Variants in FLACC1 observed in about 807,000 individuals in gnomAD.
The protein encoded by FLACC1 is flagellum associated containing coiled-coil domains 1, also known as flagellum-associated coiled-coil domain-containing protein 1.
FLACC1 carries 66 observed loss-of-function variants against 62.8 expected under a neutral mutation model. The observed-to-expected ratio is 1.05, with a 90% confidence interval of 0.86 to 1.29. FLACC1 has a LOEUF of 1.29. Among genes scored for constraint, FLACC1 ranks in the 50% most tolerant of loss-of-function variants. The pLI, the probability that FLACC1 is intolerant of heterozygous loss-of-function variation, is 0.00. For synonymous variants in FLACC1, 156 were observed against 161.0 expected (o/e 0.97, Z 0.24); for missense variants, 452 against 489.1 (o/e 0.92, Z 0.71).
intron 7 of FLACC1, among the ~76,000 whole-genome samples, chr2:201,331,710 T>C (rs1950596720): frequency 6.6e-6 from 1 of 151,860 alleles, no homozygotes; most frequent in Admixed American, 6.6e-5. Flanking sequence ...GGATGGGAGG[T>C]AGGATGAATA....
chr2:201,362,019 T>C (rs778673814), upstream of FLACC1, among the ~76,000 whole-genome samples: 5 of 152,206 alleles, frequency 3.3e-5, no homozygotes, highest in Non-Finnish European at 7.3e-5. Flanking sequence ...TTTGAAAATT[T>C]TGTGGTATTT....
At chr2:201,288,808 A>G (rs1423415868) in intron 14 of FLACC1, 27 bp from the exon 15 acceptor site, 2 of 1,609,600 alleles carry the variant, frequency 1.2e-6, no homozygotes, top group Admixed American at 3.3e-5. Flanking sequence ...AAGATGTATC[A>G]ATGTCAACTC....
chr2:201,344,482 G>A (rs1359010926), intron 5 of FLACC1, among the ~76,000 whole-genome samples: 1 of 152,192 alleles, frequency 6.6e-6, no homozygotes, highest in Admixed American at 6.5e-5. Flanking sequence ...TCTGGCTCTT[G>A]TGGGTAAGCT....
chr2:201,338,961 A>G (rs1950749735), intron 7 of FLACC1, among the ~76,000 whole-genome samples: 1 of 152,032 alleles, frequency 6.6e-6, no homozygotes, highest in African/African-American at 2.4e-5. Flanking sequence ...TCCTCTTCAA[A>G]TTTTTTTGAA....
chr2:201,345,467 T>G (rs2125615251), intron 5 of FLACC1, among the ~76,000 whole-genome samples: 1 of 151,456 alleles, frequency 6.6e-6, no homozygotes, highest in East Asian at 1.9e-4. Flanking sequence ...TGTGTGTGTG[T>G]GTGTGTGTGT....
rs1403137129 is a variant in FLACC1 at position 201,330,784 on chromosome 2, A to T, written c.574T>A (p.Tyr192Asn). 2 of 1,613,836 alleles carry T rather than the reference A, an allele frequency of 1.2e-6. No homozygotes were observed. Among genetic ancestry groups the T allele is most frequent in the Non-Finnish European group, 1.7e-6 (2 of 1,179,986 alleles). Reference sequence around the variant, plus strand: ...TTCTCTGCCTTCAAGGCTGCTTTGTAGTTGTTCTCCAACTCACTGAGTTCT... The same window carrying T: ...TTCTCTGCCTTCAAGGCTGCTTTGTTGTTGTTCTCCAACTCACTGAGTTCT... Reference protein sequence around the residue: ...EAELSELENNYKAALKAEKLA... With the variant: ...EAELSELENNNKAALKAEKLA... Residue 192 changes from tyrosine (Y) to asparagine (N), a missense_variant, in exon 8 of 15, where the codon TAC becomes AAC. Tyr to Asn is a moderately radical substitution (Grantham distance 143, BLOSUM62 -2). This residue lies in a region of FLACC1 where 301 missense variants were observed against 318.4 expected (regional missense o/e 0.95). Coordinates refer to ENST00000392257, the MANE Select transcript of FLACC1 (RefSeq NM_001127391.3).
At chr2:201,361,388 A>G (rs1431022048), upstream of FLACC1, among the ~76,000 whole-genome samples, 2 of 152,234 alleles carry the variant, frequency 1.3e-5, no homozygotes, top group Non-Finnish European at 2.9e-5. Flanking sequence ...AACCTCTCAG[A>G]TAGCATGAAT....
chr2:201,354,631 A>G (rs567476796), intron 1 of FLACC1, among the ~76,000 whole-genome samples: 5 of 152,282 alleles, frequency 3.3e-5, no homozygotes, highest in African/African-American at 1.2e-4. Flanking sequence ...AGATGATGCT[A>G]CAAGGGGCTG....
rs1281554763 is a variant in FLACC1 at position 201,346,418 on chromosome 2, G to A, written c.368+124C>T. ...GGGGCGAGGAGGGAGGTGCCCTTGCGGCCCCTCCAGAGCAGGGACCAGTGG... is the reference window on the plus strand; with the variant it reads ...GGGGCGAGGAGGGAGGTGCCCTTGCAGCCCCTCCAGAGCAGGGACCAGTGG... On this transcript the variant is annotated intron_variant, in intron 5 of 14. Coordinates refer to ENST00000392257, the MANE Select transcript of FLACC1 (RefSeq NM_001127391.3). This position sits in a 1 kb window ranked among gnomAD's most constrained non-coding sequence, Gnocchi z 4.0. 9 of 1,406,456 alleles carry A rather than the reference G, an allele frequency of 6.4e-6. No individual in the cohort carries two copies. Among genetic ancestry groups the A allele is most frequent in the African/African-American group, 2.9e-5 (2 of 69,988 alleles). The allele number at this position is 1,406,456 out of a possible 1,614,324, so 87.1% of individuals were successfully genotyped here.
chr2:201,356,010 C>T (rs1951110849), intron 1 of FLACC1, among the ~76,000 whole-genome samples: 1 of 152,210 alleles, frequency 6.6e-6, no homozygotes, highest in Non-Finnish European at 1.5e-5. Context: ...CTCACTCCCA[C>T]CTCCATGCCA....
chr2:201,322,474 A>G (rs1950424083), intron 9 of FLACC1, among the ~76,000 whole-genome samples: 1 of 152,144 alleles, frequency 6.6e-6, no homozygotes, highest in South Asian at 2.1e-4. Flanking sequence ...ACTATTACAG[A>G]GTCTTCACCC....
At chr2:201,304,908 C>T (rs1447461354) in intron 11 of FLACC1, among the ~76,000 whole-genome samples, 2 of 152,190 alleles carry the variant, frequency 1.3e-5, no homozygotes, top group African/African-American at 4.8e-5. Context: ...GGATCCCTTC[C>T]TTACATCTTA....
intron 9 of FLACC1, among the ~76,000 whole-genome samples, chr2:201,321,449 G>GT (rs1950401961): frequency 6.6e-6 from 1 of 152,180 alleles, no homozygotes; most frequent in African/African-American, 2.4e-5. Flanking sequence ...GCTGGGCTCA[G>GT]CAGGAAAAGT....
intron 1 of FLACC1, among the ~76,000 whole-genome samples, chr2:201,353,591 T>G (rs1318730791): frequency 6.6e-6 from 1 of 152,156 alleles, no homozygotes; most frequent in Non-Finnish European, 1.5e-5. Flanking sequence ...TTTTCTTCTT[T>G]TCTTTTCTTT....
At chr2:201,302,626 A>G (rs1394430640) in intron 11 of FLACC1, among the ~76,000 whole-genome samples, 1 of 152,224 alleles carries the variant, frequency 6.6e-6, no homozygotes, top group Non-Finnish European at 1.5e-5. Flanking sequence ...AACAGAATAT[A>G]CATTCTTCTC....
intron 7 of FLACC1, among the ~76,000 whole-genome samples, chr2:201,341,533 ATG>A (rs1950809596): frequency 6.6e-6 from 1 of 150,524 alleles, no homozygotes; most frequent in African/African-American, 2.4e-5. Context: ...GTTTATATGT[ATG>A]TATATATATA....
Position 201,288,574 on chromosome 2 carries a change from C to G in FLACC1, c.*81G>C. ...ACTAAACTCATTATATGCATTTTCT[C>G]AAGAAAACCCTCCCAGGAGTTTCCT... On this transcript the variant is annotated 3_prime_UTR_variant, in exon 15 of 15. Coordinates refer to ENST00000392257, the MANE Select transcript of FLACC1 (RefSeq NM_001127391.3). The G allele has an allele frequency of 6.5e-7, 1 of 1,529,798 alleles. No individual in the cohort carries two copies. Among genetic ancestry groups the G allele is most frequent in the Non-Finnish European group, 8.8e-7 (1 of 1,131,630 alleles). 94.8% of individuals were successfully genotyped at this position (1,529,798 alleles called of 1,614,324 possible). A position where few individuals can be genotyped will look rare whatever the true frequency, so the allele number is the denominator to read the frequency against.
chr2:201,291,074 C>T (rs1447370802), intron 12 of FLACC1, among the ~76,000 whole-genome samples: 2 of 152,188 alleles, frequency 1.3e-5, no homozygotes, highest in African/African-American at 2.4e-5. Flanking sequence ...AGGAGGCCTG[C>T]CTGCCTCTGT....
At chr2:201,351,990 T>A (rs900321969) in intron 1 of FLACC1, 1 of 152,202 alleles carries the variant, frequency 6.6e-6, no homozygotes, top group African/African-American at 2.4e-5. Context: ...ATAATTAAAA[T>A]AAAATAAAAT....
Sources: allele counts gnomAD v4.1 joint callset (sites outside exome capture counted in the v4.1 genomes callset), GRCh38; gene constraint gnomAD v4.1.1; regional missense constraint gnomAD v4.1.1; non-coding constraint Gnocchi (gnomAD v3.1); transcripts MANE v1.5; gene names NCBI Gene and HGNC (gene_info 2026-07-23, HGNC 2026-07-21).